RORB: variants seen among roughly 807,000 people sequenced by gnomAD.
RORB encodes RAR related orphan receptor B.
A neutral mutation model predicts 59.1 loss-of-function variants in RORB; 6 were observed. The observed-to-expected ratio is 0.10, with a 90% CI of 0.06 to 0.20. RORB has a LOEUF of 0.20. Among genes scored for constraint, RORB ranks in the 10% least tolerant of loss-of-function variants. The pLI, the probability that RORB is intolerant of heterozygous loss-of-function variation, is 1.00. For missense variants in RORB, 320 were observed against 560.5 expected, an observed-to-expected ratio of 0.57 and a Z score of 4.33; for synonymous variants, 215 against 204.5, an observed-to-expected ratio of 1.05 and a Z score of -0.44.
intron 1 of RORB, among the ~76,000 whole-genome samples, chr9:74,564,293 A>G (rs1026845398): frequency 5.9e-5 from 9 of 152,224 alleles, no homozygotes; most frequent in African/African-American, 1.9e-4. Context: ...GCATAGAACT[A>G]TGAAGTTAAT....
chr9:74,518,989 T>G (rs1252982617), intron 1 of RORB, among the ~76,000 whole-genome samples: 1 of 152,008 alleles, frequency 6.6e-6, no homozygotes, highest in Non-Finnish European at 1.5e-5. Flanking sequence ...GTAAGGGTCG[T>G]GTATATCAAA....
intron 1 of RORB, among the ~76,000 whole-genome samples, chr9:74,536,333 A>C (rs1231189424): frequency 6.6e-6 from 1 of 152,098 alleles, no homozygotes; most frequent in Non-Finnish European, 1.5e-5. Context: ...AGAATGAGGA[A>C]GAAAAGAGGT....
intron 1 of RORB, among the ~76,000 whole-genome samples, chr9:74,612,671 A>G (rs55969080): frequency 0.028 from 4,316 of 152,220 alleles, 198 homozygotes; most frequent in African/African-American, 0.098. Context: ...AGACATAAAG[A>G]TGTATAAGTT....
chr9:74,538,436 G>C (rs1826354504), intron 1 of RORB, among the ~76,000 whole-genome samples: 1 of 151,962 alleles, frequency 6.6e-6, no homozygotes, highest in South Asian at 2.1e-4. Context: ...CTGAATGAAA[G>C]AAATAAAACT....
intron 1 of RORB, among the ~76,000 whole-genome samples, chr9:74,501,226 C>T (rs1256111652): frequency 6.6e-6 from 1 of 152,138 alleles, no homozygotes; most frequent in Non-Finnish European, 1.5e-5. Flanking sequence ...TTTATACTTG[C>T]TATAAACAAG....
chr9:74,514,906 A>G (rs932990189), intron 1 of RORB, among the ~76,000 whole-genome samples: 3 of 151,570 alleles, frequency 2.0e-5, no homozygotes, highest in Admixed American at 6.6e-5. Context: ...GCAACATAAT[A>G]TTGAATAATT....
chr9:74,563,496 A>T lies in RORB; in HGVS notation c.7+65513A>T, dbSNP rs558837974. Among the ~76,000 whole-genome samples the T allele has an allele frequency of 2.6e-5, 4 of 152,236 alleles. No individual in the cohort carries two copies. In the South Asian group the frequency reaches 6.2e-4, roughly 24 times the overall value. On this transcript the variant is annotated intron_variant, in intron 1 of 9. Transcript: ENST00000376896. ...ATCATGCCTGGCCCTCAGTATCCTT[A>T]TCAGAACTATTTCCTCAGTTCATTT...
chr9:74,647,190 T>C (rs1486272862), intron 4 of RORB, among the ~76,000 whole-genome samples: 1 of 152,188 alleles, frequency 6.6e-6, no homozygotes, highest in Non-Finnish European at 1.5e-5. Context: ...AGGGATAACA[T>C]TTTGCAGTGG....
At chr9:74,545,305 C>T (rs1826471503) in intron 1 of RORB, among the ~76,000 whole-genome samples, 2 of 152,126 alleles carry the variant, frequency 1.3e-5, no homozygotes, top group Admixed American at 6.5e-5. Flanking sequence ...GGATTTGGAG[C>T]ACGTTGGTAG....
chr9:74,666,241 A>T (rs7046125), intron 7 of RORB, among the ~76,000 whole-genome samples: 6 of 151,904 alleles, frequency 3.9e-5, no homozygotes, highest in African/African-American at 9.7e-5. Context: ...GAGCTGAGAT[A>T]GTTCCACTGC....
In RORB at chr9:74,690,836, G is replaced by C. The variant is rs1389576025; in HGVS notation, c.*5218G>C. ...TGGCTTATAAAAGACACTCCAACTT[G>C]TCTTGCCCAAACTCCCTTCTTCATA... On this transcript the variant is annotated 3_prime_UTR_variant, in exon 10 of 10. Transcript: ENST00000376896. 1 of 152,148 alleles carries C rather than the reference G, an allele frequency of 6.6e-6. No homozygotes were observed. The highest frequency in any genetic ancestry group is 1.5e-5 in the Non-Finnish European group (1 of 68,038). 9.4% of individuals were successfully genotyped at this position (152,148 alleles called of 1,614,324 possible).
intron 1 of RORB, among the ~76,000 whole-genome samples, chr9:74,548,497 T>C (rs1826538516): frequency 6.6e-6 from 1 of 152,196 alleles, no homozygotes; most frequent in African/African-American, 2.4e-5. Flanking sequence ...ATTCACTACT[T>C]CTTGTCCAGA....
At chr9:74,585,472 C>A (rs1822783967) in intron 1 of RORB, among the ~76,000 whole-genome samples, 1 of 152,182 alleles carries the variant, frequency 6.6e-6, no homozygotes, top group East Asian at 1.9e-4. Context: ...AACCAGGTCA[C>A]AAATTATTCC....
chr9:74,674,598 A>C (rs78547372), intron 9 of RORB, among the ~76,000 whole-genome samples: 4,203 of 152,166 alleles, frequency 0.028, 183 homozygotes, highest in African/African-American at 0.095. Context: ...TACTTCCTGA[A>C]ATTAAAGTTC....
chr9:74,559,101 C>A (rs1361241580), intron 1 of RORB, among the ~76,000 whole-genome samples: 1 of 152,140 alleles, frequency 6.6e-6, no homozygotes, highest in Non-Finnish European at 1.5e-5. Flanking sequence ...TTTCCAAACT[C>A]CGTGCATACG....
At chr9:74,544,809 CAGA>C (rs1826463752) in intron 1 of RORB, among the ~76,000 whole-genome samples, 2 of 152,178 alleles carry the variant, frequency 1.3e-5, no homozygotes, top group African/African-American at 4.8e-5. Flanking sequence ...CCCCCACCTG[CAGA>C]AGGATAACAA....
At chr9:74,663,217 A>G (rs535931563) in intron 6 of RORB, among the ~76,000 whole-genome samples, 1 of 152,212 alleles carries the variant, frequency 6.6e-6, no homozygotes, top group Non-Finnish European at 1.5e-5. Flanking sequence ...AAAATAGAAA[A>G]TAAGAACCAT....
chr9:74,681,624 C>T (rs529987280), intron 9 of RORB, among the ~76,000 whole-genome samples: 1 of 152,282 alleles, frequency 6.6e-6, no homozygotes, highest in South Asian at 2.1e-4. Flanking sequence ...GGTCCTGAAC[C>T]AGACTCTTAA....
At chr9:74,646,758 T>C (rs1199399994) in intron 4 of RORB, among the ~76,000 whole-genome samples, 1 of 152,214 alleles carries the variant, frequency 6.6e-6, no homozygotes. Flanking sequence ...ATTTTTGAAA[T>C]GTGCCATACA....
Sources: allele counts gnomAD v4.1 joint callset (sites outside exome capture counted in the v4.1 genomes callset), GRCh38; gene constraint gnomAD v4.1.1; transcripts MANE v1.5; gene names NCBI Gene and HGNC (gene_info 2026-07-23, HGNC 2026-07-21).